The following CELA3B variants were observed in gnomAD, a reference collection of about 807,000 sequenced individuals.
CELA3B encodes chymotrypsin like elastase 3B.
Under a neutral mutation model 37.2 loss-of-function variants are expected in CELA3B, and 34 were observed. The ratio of observed to expected loss-of-function variants is 0.91; its 90% CI spans 0.70 to 1.22. CELA3B has a LOEUF of 1.22. Among genes scored for constraint, CELA3B ranks in the 50% most tolerant of loss-of-function variants. CELA3B has a pLI of 0.00. For missense variants in CELA3B, 340 were observed against 363.1 expected (o/e 0.94, Z 0.52); for synonymous variants, 127 against 143.5 (o/e 0.89, Z 0.82).
In CELA3B at chr1:21,984,180, T is replaced by C. The variant is rs750949116; in HGVS notation, c.500-9T>C. On this transcript the variant is annotated splice_polypyrimidine_tract_variant and intron_variant, in intron 5 of 7. Transcript: ENST00000337107. ...CAGACCCCTGACTCGGTGCTTTTTA[T>C]CGCTGCAGCCAACGGGCCACTCCCA... 2.5e-6 allele frequency: 4 copies of C among 1,611,334 alleles called. No homozygotes were observed. Among genetic ancestry groups the C allele is most frequent in the African/African-American group, 2.7e-5 (2 of 74,898 alleles).
intron 4 of CELA3B, chr1:21,998,022 C>G: frequency 2.5e-6 from 1 of 404,792 alleles, no homozygotes; most frequent in Non-Finnish European, 5.2e-6. Context: ...TAAGGAAAAG[C>G]TAATCGATAA....
In CELA3B at chr1:21,977,024, T is replaced by C; in HGVS notation, c.-16T>C. 3.1e-6 allele frequency: 5 copies of C among 1,614,180 alleles called. No individual in the cohort carries two copies. Among genetic ancestry groups the C allele is most frequent in the Non-Finnish European group, 4.2e-6 (5 of 1,180,048 alleles). ...AGCCCCAGGTTCTGTGCCCTTTTCC[T>C]ATCATCGCAAAACTCATGATGCTCC... On this transcript the variant is annotated 5_prime_UTR_variant, in exon 1 of 8. Coordinates refer to ENST00000337107, the MANE Select transcript of CELA3B (RefSeq NM_007352.4).
In CELA3B at chr1:21,977,045, G is replaced by A; in HGVS notation, c.6G>A (p.Met2Ile). M[M>I]LRLLSSLLLV... is the part of the protein sequence containing the mutation. The stretch of plus-strand genomic sequence containing the variant: ...TTCCTATCATCGCAAAACTCATGAT[G>A]CTCCGGCTGCTCAGTTCCCTCCTCC... The change falls in exon 1 of 8, where the codon ATG (methionine) becomes ATA (isoleucine). Residue 2 changes from methionine (M) to isoleucine (I), a missense_variant. Transcript: ENST00000337107. 1 of 1,614,128 alleles carries A rather than the reference G, an allele frequency of 6.2e-7. No homozygotes were observed. The highest frequency in any genetic ancestry group is 8.5e-7 in the Non-Finnish European group (1 of 1,180,036).
In CELA3B at chr1:21,986,660, G is replaced by A. The variant is rs755064029; in HGVS notation, c.772G>A (p.Ala258Thr). ...RKPTVFTRVS[A>T]FIDWIEETIA... The stretch of plus-strand genomic sequence containing the variant: ...GCCCACGGTGTTCACTCGAGTCTCC[G>A]CCTTCATTGACTGGATTGAGGAGGT... Residue 258 changes from alanine (A) to threonine (T), a missense_variant, in exon 7 of 8, where the codon GCC (alanine) becomes ACC (threonine). Physicochemically the swap from Ala to Thr is moderately conservative, Grantham distance 58. Transcript: ENST00000337107. 5 of 1,613,710 alleles carry A rather than the reference G, an allele frequency of 3.1e-6. No homozygotes were observed. Among genetic ancestry groups the A allele is most frequent in the South Asian group, 1.1e-5 (1 of 91,062 alleles).
At chr1:21,995,279 C>T (rs1644885729) in intron 4 of CELA3B, among the ~76,000 whole-genome samples, 1 of 149,970 alleles carries the variant, frequency 6.7e-6, no homozygotes, top group Non-Finnish European at 1.5e-5. Flanking sequence ...GCTGGGACTA[C>T]AGGTGTGTAC....
chr1:21,998,297 T>C (rs1644899780), exon 5 of CELA3B: 1 of 452,510 alleles, frequency 2.2e-6, no homozygotes. Flanking sequence ...TCCAATCCCA[T>C]CTGACCTTTA....
downstream of CELA3B, among the ~76,000 whole-genome samples, chr1:21,993,277 A>G (rs1277127177): frequency 6.6e-6 from 1 of 151,170 alleles, no homozygotes; most frequent in Non-Finnish European, 1.5e-5. Flanking sequence ...ACTGGCCAAC[A>G]TGGCGAAATC....
downstream of CELA3B, among the ~76,000 whole-genome samples, chr1:21,990,001 G>T (rs1179472010): frequency 1.3e-5 from 2 of 151,044 alleles, no homozygotes; most frequent in Non-Finnish European, 2.9e-5. Flanking sequence ...TTAAAATCAT[G>T]GTGGAAGATG....
At chr1:21,998,343 G>A (rs1644899974) in exon 5 of CELA3B, 1 of 397,808 alleles carries the variant, frequency 2.5e-6, no homozygotes, top group Non-Finnish European at 5.3e-6. Context: ...TATATTCTGG[G>A]AGCCGAGGCC....
intron 4 of CELA3B, among the ~76,000 whole-genome samples, chr1:21,996,231 C>T (rs757455421): frequency 2.6e-5 from 4 of 150,970 alleles, no homozygotes; most frequent in Non-Finnish European, 5.9e-5. Context: ...GGGCTGCATT[C>T]CCAGACAGAT....
intron 6 of CELA3B, among the ~76,000 whole-genome samples, chr1:21,985,223 C>T (rs1298390055): frequency 6.6e-6 from 1 of 151,166 alleles, no homozygotes; most frequent in Non-Finnish European, 1.5e-5. Context: ...TTCAAGCTCA[C>T]AGTGGCTGTG....
exon 5 of CELA3B, chr1:21,998,313 T>C (rs1644899799): frequency 2.3e-6 from 1 of 438,356 alleles, no homozygotes; most frequent in South Asian, 1.6e-5. Context: ...CTTTAGTTCT[T>C]CACTGAGTGC....
At position 21,989,302 on chromosome 1, in the gene CELA3B, C is replaced by T. The variant is rs376809165; in HGVS notation, c.*23C>T. On this transcript the variant is annotated 3_prime_UTR_variant, in exon 8 of 8. Coordinates refer to ENST00000337107, the MANE Select transcript of CELA3B (RefSeq NM_007352.4). ...TAGAACCAAGGCCCAGCTGGCAGTG[C>T]TGATCGATCCCACATCCTGAATAAA... 6.4e-4 allele frequency: 950 copies of T among 1,495,660 alleles called. No individual in the cohort carries two copies. Among genetic ancestry groups the T allele is most frequent in the South Asian group, 3.4e-3 (298 of 86,640 alleles). 92.6% of individuals were successfully genotyped at this position (1,495,660 alleles called of 1,614,324 possible). A position where few individuals can be genotyped will look rare whatever the true frequency, so the allele number is the denominator to read the frequency against.
intron 7 of CELA3B, among the ~76,000 whole-genome samples, chr1:21,988,990 C>CAT (rs60573423): frequency 6.6e-6 from 1 of 151,898 alleles, no homozygotes; most frequent in Non-Finnish European, 1.5e-5. Context: ...CACACACACA[C>CAT]ATATATATGT....
At chr1:21,981,205 C>A in intron 4 of CELA3B, 33 bp downstream of exon 4, 1 of 1,606,206 alleles carries the variant, frequency 6.2e-7, no homozygotes, top group East Asian at 2.2e-5. Flanking sequence ...AACCCAGAGG[C>A]TCCTCTACTC....
rs1169946044 is a variant in CELA3B, at chr1:21,986,575, C to T, written c.687C>T (p.Gly229=). 3 of 1,614,108 alleles carry T rather than the reference C, an allele frequency of 1.9e-6. No individual in the cohort carries two copies. Among genetic ancestry groups the T allele is most frequent in the Admixed American group, 1.7e-5 (1 of 59,982 alleles). Residue 229 remains glycine (G), a synonymous_variant, in exon 7 of 8, where the codon GGC becomes GGT. Transcript: ENST00000337107. ...TCAACTGCCCCACAGAGGATGGTGG[C>T]TGGCAGGTCCATGGCGTGACCAGCT... ...GPLNCPTEDG[G]WQVHGVTSFV...
At chr1:21,989,156 T>C (rs1295228259) in intron 7 of CELA3B, 106 bp from the exon 8 acceptor site, 1 of 1,594,914 alleles carries the variant, frequency 6.3e-7, no homozygotes, top group East Asian at 2.2e-5. Flanking sequence ...GGTCAATTCC[T>C]CTCCCAGGGT....
At position 21,986,659 on chromosome 1, in the gene CELA3B, C is replaced by T. The variant is rs751546095; in HGVS notation, c.771C>T (p.Ser257=). Residue 257 remains serine (S), a synonymous_variant, in exon 7 of 8, where the codon TCC becomes TCT. Transcript: ENST00000337107. ...RRKPTVFTRV[S]AFIDWIEETI... is the part of the protein sequence containing the mutation. ...AGCCCACGGTGTTCACTCGAGTCTCCGCCTTCATTGACTGGATTGAGGAGG... is the reference window on the plus strand; with the variant it reads ...AGCCCACGGTGTTCACTCGAGTCTCTGCCTTCATTGACTGGATTGAGGAGG... The T allele has an allele frequency of 3.6e-5, 58 of 1,613,632 alleles. 1 individual carries two copies. The highest frequency in any genetic ancestry group is 2.2e-4 in the Admixed American group (13 of 59,866).
intron 4 of CELA3B, among the ~76,000 whole-genome samples, chr1:21,981,874 C>T (rs535041601): frequency 1.3e-5 from 2 of 152,112 alleles, no homozygotes; most frequent in South Asian, 2.1e-4. Context: ...TACAGGCGCC[C>T]GCCACCACGC....
Sources: gnomAD v4.1 joint callset for allele counts (sites outside exome capture counted in the v4.1 genomes callset) on GRCh38, gnomAD v4.1.1 for gene constraint, MANE v1.5 for transcripts, NCBI Gene and HGNC (gene_info 2026-07-23, HGNC 2026-07-21) for gene names.